The following RBFOX1 variants were observed in gnomAD, a reference collection of about 807,000 sequenced individuals.
RBFOX1 encodes RNA binding protein fox-1 homolog 1.
In RBFOX1, 8 loss-of-function variants were observed where a neutral mutation model predicts 57.7. The observed-to-expected ratio is 0.14, with a 90% CI of 0.08 to 0.25. The LOEUF is 0.25. RBFOX1 is among the 10% of genes least tolerant of loss of function. The pLI, the probability that RBFOX1 is intolerant of heterozygous loss-of-function variation, is 1.00. For synonymous variants in RBFOX1, 326 were observed against 222.4 expected, an observed-to-expected ratio of 1.47 and a Z score of -4.15; for missense variants, 611 against 548.5, an observed-to-expected ratio of 1.11 and a Z score of -1.14.
intron 4 of RBFOX1, among the ~76,000 whole-genome samples, chr16:7,455,802 G>A (rs796486381): frequency 1.9e-3 from 233 of 121,390 alleles, no homozygotes; most frequent in Middle Eastern, 8.3e-3. Context: ...AAAAAAAAAA[G>A]AAAAAAAAGA....
intron 1 of RBFOX1, among the ~76,000 whole-genome samples, chr16:5,334,033 C>T (rs2064834618): frequency 1.3e-5 from 2 of 152,242 alleles, no homozygotes; most frequent in Middle Eastern, 3.4e-3. Flanking sequence ...GTGAATAAAC[C>T]TGAGAGGTGC....
chr16:7,147,187 C>G lies in RBFOX1; in HGVS notation c.27+95089C>G, dbSNP rs185069947. Among the ~76,000 whole-genome samples, 650 of 148,476 alleles carry G rather than the reference C, an allele frequency of 4.4e-3. 7 individuals carry two copies. Among genetic ancestry groups the G allele is most frequent in the African/African-American group, 0.015 (620 of 40,216 alleles). On this transcript the variant is annotated intron_variant, in intron 4 of 15. Transcript: ENST00000550418. ...ATTTTTTATTTTTTTGTAGTTTTAG[C>G]AGAGACAGGGTTTCACCATGTTGGC... is the stretch of plus-strand genomic sequence containing the variant.
intron 5 of RBFOX1, among the ~76,000 whole-genome samples, chr16:7,574,873 A>C (rs778992299): frequency 1.3e-5 from 2 of 152,026 alleles, no homozygotes; most frequent in Non-Finnish European, 2.9e-5. Flanking sequence ...CTTTGAGGCC[A>C]CTCATCTTGA....
intron 4 of RBFOX1, among the ~76,000 whole-genome samples, chr16:7,476,688 C>G (rs1016039621): frequency 6.6e-6 from 1 of 152,094 alleles, no homozygotes; most frequent in Non-Finnish European, 1.5e-5. Flanking sequence ...AATTAAATCC[C>G]TCACTTCATT....
intron 2 of RBFOX1, among the ~76,000 whole-genome samples, chr16:5,555,358 A>G (rs1003255963): frequency 3.9e-5 from 6 of 151,966 alleles, no homozygotes; most frequent in African/African-American, 9.7e-5. Flanking sequence ...GGCTCAAGCA[A>G]TTCTGCCTCA....
At chr16:7,253,968 C>A (rs538755999) in intron 4 of RBFOX1, among the ~76,000 whole-genome samples, 1 of 152,234 alleles carries the variant, frequency 6.6e-6, no homozygotes, top group East Asian at 1.9e-4. Flanking sequence ...TGTGAGACAG[C>A]AAAGGAAGAA....
At chr16:7,096,843 A>T (rs1020762516) in intron 4 of RBFOX1, among the ~76,000 whole-genome samples, 1 of 150,598 alleles carries the variant, frequency 6.6e-6, no homozygotes, top group Non-Finnish European at 1.5e-5. Flanking sequence ...GAGGTAAGAG[A>T]ATCACTTGAA....
rs556562941 is a variant in RBFOX1 at position 5,334,051 on chromosome 16, CGATTTCTGTCAGGAGTACTCTTTCTTACA to C, written c.219+93949_219+93977del. ...AATAAACCTGAGAGGTGCTTCTGGC[CGATTTCTGTCAGGAGTACTCTTTCTTACA>C]GACTAAGAGTATTTAAGGGTTTAGG... is the stretch of plus-strand genomic sequence containing the variant. On this transcript the variant is annotated intron_variant, in intron 1 of 2. Coordinates refer to the RBFOX1 transcript ENST00000585867. Among the ~76,000 whole-genome samples the C allele has an allele frequency of 4.7e-3, 719 of 152,142 alleles. 8 individuals are homozygous for C. Among genetic ancestry groups the C allele is most frequent in the African/African-American group, 0.017 (689 of 41,520 alleles).
chr16:6,303,175 A>C (rs1439146359), intron 1 of RBFOX1, among the ~76,000 whole-genome samples: 1 of 152,182 alleles, frequency 6.6e-6, no homozygotes, highest in African/African-American at 2.4e-5. Context: ...GGTTGAAATG[A>C]ATTCTGATAA....
intron 2 of RBFOX1, among the ~76,000 whole-genome samples, chr16:6,342,637 T>A (rs1415298302): frequency 5.3e-5 from 8 of 152,210 alleles, no homozygotes; most frequent in Non-Finnish European, 1.2e-4. Context: ...TATACATATC[T>A]GAGGTTCAGA....
intron 3 of RBFOX1, among the ~76,000 whole-genome samples, chr16:6,754,459 G>C (rs8044218): frequency 0.018 from 2,783 of 152,220 alleles, 89 homozygotes; most frequent in African/African-American, 0.063. Context: ...CTTTCCTTTT[G>C]TTTCTTCCAC....
chr16:7,433,592 T>C (rs2098699329), intron 4 of RBFOX1, among the ~76,000 whole-genome samples: 1 of 152,162 alleles, frequency 6.6e-6, no homozygotes, highest in East Asian at 1.9e-4. Context: ...GTCACACAGG[T>C]GAAGCACACT....
At chr16:7,201,924 A>G (rs2088630707) in intron 4 of RBFOX1, among the ~76,000 whole-genome samples, 1 of 152,194 alleles carries the variant, frequency 6.6e-6, no homozygotes, top group Non-Finnish European at 1.5e-5. Context: ...CGAGGGATTT[A>G]TTTCAGAGGT....
intron 3 of RBFOX1, among the ~76,000 whole-genome samples, chr16:6,690,858 C>A (rs1177387056): frequency 6.6e-6 from 1 of 151,026 alleles, no homozygotes; most frequent in African/African-American, 2.4e-5. Context: ...CTGAATTTTT[C>A]CCCCCTTGGA....
intron 3 of RBFOX1, among the ~76,000 whole-genome samples, chr16:5,847,764 A>G (rs1367071221): frequency 1.3e-5 from 2 of 152,108 alleles, no homozygotes; most frequent in East Asian, 3.9e-4. Flanking sequence ...TCCGTGCAAC[A>G]AACATTATAG....
intron 3 of RBFOX1, among the ~76,000 whole-genome samples, chr16:5,766,087 A>T (rs2053767419): frequency 6.6e-6 from 1 of 152,158 alleles, no homozygotes; most frequent in Admixed American, 6.5e-5. Flanking sequence ...TGTCCTCCCG[A>T]CCAAGGAATA....
chr16:6,554,083 T>A (rs1011636993), intron 2 of RBFOX1, among the ~76,000 whole-genome samples: 1 of 152,078 alleles, frequency 6.6e-6, no homozygotes, highest in African/African-American at 2.4e-5. Context: ...AACATAACAG[T>A]TTAATGTCTG....
chr16:5,840,455 T>C lies in RBFOX1; in HGVS notation c.319-26848T>C, dbSNP rs569451024. Among the ~76,000 whole-genome samples, 3 of 152,204 alleles carry C rather than the reference T, an allele frequency of 2.0e-5. No individual in the cohort carries two copies. The East Asian group carries it at 5.8e-4, about 29-fold the overall frequency. ...TGTGCTCTGCGGGGTAGAAAGTCATTTTGTGCTGATAGGCCTGGCGGTGAC... is the reference window on the plus strand; with the variant it reads ...TGTGCTCTGCGGGGTAGAAAGTCATCTTGTGCTGATAGGCCTGGCGGTGAC... On this transcript the variant is annotated intron_variant, in intron 3 of 19. Transcript: ENST00000641259.
At chr16:7,495,442 T>C (rs1362597662) in intron 4 of RBFOX1, among the ~76,000 whole-genome samples, 2 of 152,238 alleles carry the variant, frequency 1.3e-5, no homozygotes, top group East Asian at 1.9e-4. Context: ...ACCAAAAGTG[T>C]ATCAGCCATC....
Sources: allele counts gnomAD v4.1 joint callset (sites outside exome capture counted in the v4.1 genomes callset), GRCh38; gene constraint gnomAD v4.1.1; transcripts MANE v1.5; gene names NCBI Gene and HGNC (gene_info 2026-07-23, HGNC 2026-07-21).